FNBP1: variants seen among roughly 807,000 people sequenced by gnomAD.
FNBP1 encodes formin-binding protein 1.
Under a neutral mutation model 90.6 loss-of-function variants are expected in FNBP1, and 26 were observed. The observed-to-expected ratio is 0.29, with a 90% confidence interval of 0.21 to 0.40. FNBP1 has a LOEUF of 0.40. Among genes scored for constraint, FNBP1 ranks in the 10% least tolerant of loss-of-function variants. The probability of loss-of-function intolerance (pLI) is 1.00; values close to 1 mark genes in which losing one functional copy is unlikely to be tolerated. For missense variants in FNBP1, 635 were observed against 768.0 expected, an observed-to-expected ratio of 0.83 and a Z score of 2.05; for synonymous variants, 260 against 265.2, an observed-to-expected ratio of 0.98 and a Z score of 0.19.
chr9:129,941,316 G>T (rs1003348678), intron 6 of FNBP1, among the ~76,000 whole-genome samples: 12 of 152,178 alleles, frequency 7.9e-5, no homozygotes, highest in Admixed American at 2.6e-4. Flanking sequence ...TTGAACATGG[G>T]AGGTGGAGGC....
At position 129,900,507 on chromosome 9, in the gene FNBP1, C is replaced by T. The variant is rs1023000; in HGVS notation, c.1469G>A (p.Ser490Asn). ...AEVEGRLPAR[S>N]EQARRQSGLY... The stretch of plus-strand genomic sequence containing the variant: ...TCCGCTCTGCCGGCGCGCCTGCTCG[C>T]TGCGTGCTGGGAGCCGGCCTTCAAC... Residue 490 changes from serine to asparagine, a missense_variant, in exon 14 of 17, where the codon AGC becomes AAC. By Grantham distance (46) the Ser-to-Asn change is conservative (BLOSUM62 1). Transcript: ENST00000446176. The surrounding 1 kb of genome is among the most constrained non-coding windows in gnomAD (Gnocchi z 4.1). The T allele has an allele frequency of 0.54, 865,838 of 1,591,116 alleles. 238,445 individuals are homozygous for T. Among genetic ancestry groups the T allele is most frequent in the East Asian group, 0.74 (32,279 of 43,464 alleles).
At chr9:129,977,484 A>ATTTTTTTTTTT (rs34068585) in intron 4 of FNBP1, among the ~76,000 whole-genome samples, 5 of 139,260 alleles carry the variant, frequency 3.6e-5, no homozygotes, top group Non-Finnish European at 4.7e-5. Context: ...ACAAGCACTA[A>ATTTTTTTTTTT]TTTTTTTTTT....
chr9:129,990,625 T>C (rs2052984974), intron 2 of FNBP1, among the ~76,000 whole-genome samples: 1 of 152,198 alleles, frequency 6.6e-6, no homozygotes, highest in African/African-American at 2.4e-5. Flanking sequence ...GGATTTACTC[T>C]GAATGAAATG....
At chr9:129,910,481 C>CAAAAAAA (rs1377071240) in intron 11 of FNBP1, among the ~76,000 whole-genome samples, 1 of 90,082 alleles carries the variant, frequency 1.1e-5, no homozygotes, top group Non-Finnish European at 2.1e-5. Flanking sequence ...GACTCCATCT[C>CAAAAAAA]AAAAAAACAA....
intron 6 of FNBP1, among the ~76,000 whole-genome samples, chr9:129,943,163 T>A (rs113914968): frequency 1.3e-5 from 2 of 152,124 alleles, no homozygotes; most frequent in Non-Finnish European, 2.9e-5. Context: ...TTTCTACATA[T>A]CCTTCAGGTT....
intron 2 of FNBP1, among the ~76,000 whole-genome samples, chr9:129,994,372 C>T (rs1353125027): frequency 2.6e-5 from 4 of 152,042 alleles, no homozygotes; most frequent in Non-Finnish European, 4.4e-5. Context: ...TACTAATCCA[C>T]GCGGTTAGAA....
intron 6 of FNBP1, among the ~76,000 whole-genome samples, chr9:129,953,180 A>G (rs1349337959): frequency 1.3e-5 from 2 of 152,252 alleles, no homozygotes; most frequent in African/African-American, 2.4e-5. Context: ...TCCCAGGACC[A>G]TAATGCAATT....
intron 10 of FNBP1, among the ~76,000 whole-genome samples, chr9:129,921,169 T>G (rs888590824): frequency 1.4e-4 from 21 of 152,202 alleles, no homozygotes; most frequent in African/African-American, 4.6e-4. Context: ...GAGATTCTCA[T>G]ATTAAAAGAA....
intron 4 of FNBP1, among the ~76,000 whole-genome samples, chr9:129,963,150 C>T (rs531160137): frequency 2.0e-5 from 3 of 152,250 alleles, no homozygotes; most frequent in Non-Finnish European, 4.4e-5. Context: ...TCGAGGTTGA[C>T]GATCTATCTC....
intron 1 of FNBP1, among the ~76,000 whole-genome samples, chr9:130,016,036 T>G (rs548282473): frequency 3.3e-5 from 5 of 152,378 alleles, no homozygotes; most frequent in African/African-American, 9.6e-5. Context: ...TCTTTGTTCA[T>G]TCATCTATTA....
chr9:130,042,018 G>A lies in FNBP1; in HGVS notation c.24+934C>T, dbSNP rs1257659518. 6.6e-6 allele frequency among the ~76,000 whole-genome samples: 1 copy of A among 152,028 alleles called. No homozygotes were observed. Among genetic ancestry groups the A allele is most frequent in the Admixed American group, 6.6e-5 (1 of 15,254 alleles). ...TGAGATTTCGTCTGCTCCTTCCCGGGCCGCCGCACTGCCCATCCCCTGCCC... is the reference window on the plus strand; with the variant it reads ...TGAGATTTCGTCTGCTCCTTCCCGGACCGCCGCACTGCCCATCCCCTGCCC... On this transcript the variant is annotated intron_variant, in intron 1 of 16. Transcript: ENST00000446176. The surrounding 1 kb of genome is among the most constrained non-coding windows in gnomAD (Gnocchi z 5.5).
chr9:130,031,608 C>T lies in FNBP1; in HGVS notation c.24+11344G>A, dbSNP rs904297896. ...CCCACCTGAGTTACACTCCTGTACA[C>T]ATTTCCATGGAGTTACCCTACCTTA... On this transcript the variant is annotated intron_variant, in intron 1 of 16. Coordinates refer to ENST00000446176, the MANE Select transcript of FNBP1 (RefSeq NM_015033.3). The surrounding 1 kb of genome is among the most constrained non-coding windows in gnomAD (Gnocchi z 4.2). Among the ~76,000 whole-genome samples the T allele has an allele frequency of 1.1e-4, 16 of 152,316 alleles. No individual in the cohort carries two copies. The highest frequency in any genetic ancestry group is 3.8e-4 in the African/African-American group (16 of 41,564).
At chr9:129,948,986 T>C (rs966833563) in intron 6 of FNBP1, among the ~76,000 whole-genome samples, 1 of 152,072 alleles carries the variant, frequency 6.6e-6, no homozygotes, top group African/African-American at 2.4e-5. Context: ...ATGGTATAAT[T>C]TTCCCATGTT....
intron 12 of FNBP1, among the ~76,000 whole-genome samples, chr9:129,903,563 A>G (rs1300042247): frequency 1.3e-5 from 2 of 152,330 alleles, no homozygotes; most frequent in South Asian, 2.1e-4. Flanking sequence ...ATTGTCCCCA[A>G]TAACTGAGAA....
At chr9:130,004,124 G>A (rs1011123320) in intron 1 of FNBP1, among the ~76,000 whole-genome samples, 5 of 150,976 alleles carry the variant, frequency 3.3e-5, no homozygotes, top group East Asian at 2.0e-4. Flanking sequence ...CCGGCTGGGC[G>A]CGGTGGCTCA....
At chr9:129,992,642 C>T (rs1237490340) in intron 2 of FNBP1, among the ~76,000 whole-genome samples, 1 of 148,738 alleles carries the variant, frequency 6.7e-6, no homozygotes, top group Non-Finnish European at 1.5e-5. Context: ...CAACCTCTGC[C>T]TCCTGGGCTC....
chr9:129,892,900 C>T (rs2035256821), intron 16 of FNBP1, among the ~76,000 whole-genome samples: 1 of 152,080 alleles, frequency 6.6e-6, no homozygotes, highest in Non-Finnish European at 1.5e-5. Flanking sequence ...CCCCTCCCAC[C>T]CCATTCCCCC....
At chr9:130,005,823 A>T (rs2055616709) in intron 1 of FNBP1, among the ~76,000 whole-genome samples, 1 of 152,194 alleles carries the variant, frequency 6.6e-6, no homozygotes, top group African/African-American at 2.4e-5. Flanking sequence ...CACTATGGTG[A>T]CTTAGGAATA....
At chr9:130,023,477 G>A (rs1317382067) in intron 1 of FNBP1, among the ~76,000 whole-genome samples, 1 of 152,178 alleles carries the variant, frequency 6.6e-6, no homozygotes, top group Non-Finnish European at 1.5e-5. Context: ...CCGGCCAAGG[G>A]CAAGGCAGAG....
Sources: allele counts gnomAD v4.1 joint callset (sites outside exome capture counted in the v4.1 genomes callset), GRCh38; gene constraint gnomAD v4.1.1; non-coding constraint Gnocchi (gnomAD v3.1); transcripts MANE v1.5; gene names NCBI Gene and HGNC (gene_info 2026-07-23, HGNC 2026-07-21).